The following ARHGAP39 variants were observed in gnomAD, a reference collection of about 807,000 sequenced individuals.
ARHGAP39 encodes Rho GTPase activating protein 39.
A neutral mutation model predicts 106.9 loss-of-function variants in ARHGAP39; 44 were observed. The observed-to-expected ratio is 0.41, with a 90% CI of 0.32 to 0.53. The LOEUF (loss-of-function observed/expected upper bound fraction) is 0.53, where lower values mean the gene tolerates loss of function less well. Among genes scored for constraint, ARHGAP39 ranks in the 20% least tolerant of loss-of-function variants. The probability of loss-of-function intolerance (pLI) is 0.21; values close to 1 mark genes in which losing one functional copy is unlikely to be tolerated. For synonymous variants in ARHGAP39, 768 were observed against 693.2 expected (o/e 1.11, Z -1.69); for missense variants, 1,496 against 1,577.3 (o/e 0.95, Z 0.87).
intron 8 of ARHGAP39, among the ~76,000 whole-genome samples, chr8:144,533,850 G>A (rs2130817753): frequency 6.6e-6 from 1 of 152,154 alleles, no homozygotes; most frequent in African/African-American, 2.4e-5. Context: ...ACAGGTCCAG[G>A]GAACGGGGTC....
At chr8:144,570,239 GA>G (rs1385192540) in intron 3 of ARHGAP39, among the ~76,000 whole-genome samples, 4 of 152,016 alleles carry the variant, frequency 2.6e-5, no homozygotes, top group Admixed American at 1.3e-4. Context: ...AACAAACAAA[GA>G]AACAAACAAA....
intron 1 of ARHGAP39, among the ~76,000 whole-genome samples, chr8:144,622,274 C>T (rs1169506010): frequency 2.0e-5 from 3 of 152,100 alleles, no homozygotes; most frequent in Non-Finnish European, 4.4e-5. Flanking sequence ...AGGTGAGCTG[C>T]CTCTGGGAGG....
chr8:144,594,574 A>C (rs995398278), intron 2 of ARHGAP39, among the ~76,000 whole-genome samples: 4 of 151,714 alleles, frequency 2.6e-5, no homozygotes, highest in African/African-American at 9.7e-5. Context: ...GGCGCCTGTA[A>C]TCCTAGCTAC....
chr8:144,564,608 A>G (rs1398280542), intron 3 of ARHGAP39, among the ~76,000 whole-genome samples: 1 of 152,254 alleles, frequency 6.6e-6, no homozygotes, highest in Non-Finnish European at 1.5e-5. Flanking sequence ...ATGACTGAAC[A>G]TGTTAAGTAG....
intron 1 of ARHGAP39, among the ~76,000 whole-genome samples, chr8:144,682,945 A>C (rs898228361): frequency 6.6e-6 from 1 of 151,860 alleles, no homozygotes; most frequent in Non-Finnish European, 1.5e-5. Context: ...TGAGCACAGG[A>C]GGTCAAGGCT....
At chr8:144,596,327 G>A (rs1180459465) in intron 2 of ARHGAP39, among the ~76,000 whole-genome samples, 2 of 150,502 alleles carry the variant, frequency 1.3e-5, no homozygotes, top group Non-Finnish European at 3.0e-5. Context: ...GGGGACAGCT[G>A]AGGCCTTGCC....
intron 3 of ARHGAP39, among the ~76,000 whole-genome samples, chr8:144,572,616 A>AAC (rs1818625053): frequency 1.3e-5 from 2 of 152,236 alleles, no homozygotes; most frequent in Admixed American, 1.3e-4. Context: ...CAAAAGCCAA[A>AAC]ATAGATAAAT....
At chr8:144,570,831 C>T (rs1011195192) in intron 3 of ARHGAP39, among the ~76,000 whole-genome samples, 1 of 152,122 alleles carries the variant, frequency 6.6e-6, no homozygotes, top group Admixed American at 6.5e-5. Context: ...ATACAAACTA[C>T]CATCAGAGAA....
chr8:144,551,711 T>TC (rs879440491), intron 4 of ARHGAP39, among the ~76,000 whole-genome samples: 231 of 149,664 alleles, frequency 1.5e-3, no homozygotes, highest in African/African-American at 5.5e-3. Context: ...TCTCCTCAGC[T>TC]CCCCCAAATC....
chr8:144,620,972 C>T (rs1820793203), intron 1 of ARHGAP39, among the ~76,000 whole-genome samples: 1 of 152,294 alleles, frequency 6.6e-6, no homozygotes, highest in Non-Finnish European at 1.5e-5. Flanking sequence ...CGTCCCTTGG[C>T]AGCCCCGCTG....
At chr8:144,536,741 G>C (rs1292633005) in intron 7 of ARHGAP39, among the ~76,000 whole-genome samples, 1 of 152,224 alleles carries the variant, frequency 6.6e-6, no homozygotes, top group Non-Finnish European at 1.5e-5. Flanking sequence ...CCCTAGCCCA[G>C]CAGATGCCAT....
chr8:144,659,758 A>G (rs1324388324), intron 1 of ARHGAP39, among the ~76,000 whole-genome samples: 1 of 152,052 alleles, frequency 6.6e-6, no homozygotes, highest in Non-Finnish European at 1.5e-5. Flanking sequence ...TAAGCTAACA[A>G]TTGCTTCTCT....
chr8:144,536,586 C>A (rs1816963864), intron 7 of ARHGAP39, among the ~76,000 whole-genome samples: 1 of 152,214 alleles, frequency 6.6e-6, no homozygotes, highest in Non-Finnish European at 1.5e-5. Context: ...ACGTCTGTGG[C>A]CAGGAATCTC....
chr8:144,688,805 C>T (rs1194006342), upstream of ARHGAP39, among the ~76,000 whole-genome samples: 1 of 152,164 alleles, frequency 6.6e-6, no homozygotes, highest in African/African-American at 2.4e-5. Flanking sequence ...GATGTCGAGT[C>T]TTCCTAAAGT....
intron 1 of ARHGAP39, among the ~76,000 whole-genome samples, chr8:144,628,164 G>C (rs374668589): frequency 4.6e-5 from 7 of 152,350 alleles, no homozygotes; most frequent in African/African-American, 1.7e-4. Context: ...AGCGTCCTCA[G>C]AGAGGGGTGG....
chr8:144,551,248 A>T (rs1319516254), intron 4 of ARHGAP39, among the ~76,000 whole-genome samples: 1 of 151,976 alleles, frequency 6.6e-6, no homozygotes, highest in East Asian at 1.9e-4. Context: ...GGGTGGGGTG[A>T]GTATGAGGAG....
intron 1 of ARHGAP39, among the ~76,000 whole-genome samples, chr8:144,666,976 T>C (rs998777908): frequency 6.6e-5 from 10 of 152,108 alleles, no homozygotes; most frequent in African/African-American, 2.4e-4. Context: ...TAAACTTTGC[T>C]CAAAAAATGG....
At position 144,548,047 on chromosome 8, in the gene ARHGAP39, G is replaced by A. The variant is rs567062685; in HGVS notation, c.1039C>T (p.Arg347Trp). The A allele has an allele frequency of 4.4e-6, 7 of 1,599,816 alleles. No homozygotes were observed. Among genetic ancestry groups the A allele is most frequent in the Non-Finnish European group, 6.0e-6 (7 of 1,174,384 alleles). Residue 347 changes from arginine to tryptophan, a missense_variant, in exon 5 of 12, where the codon CGG becomes TGG. Coordinates refer to ENST00000377307, the MANE Select transcript of ARHGAP39 (RefSeq NM_025251.3). The surrounding 1 kb of genome is among the most constrained non-coding windows in gnomAD (Gnocchi z 7.4). ...GGCCGGGGCTTACGGCCCGGCGACC[G>A]CTGGGGAGAGCCGGCCTGGTAGCCC... ...GGGYQAGSPQRSPGRKPRPFL... is the reference protein window; with the variant it reads ...GGGYQAGSPQWSPGRKPRPFL...
At chr8:144,560,753 T>C (rs1818112260) in intron 3 of ARHGAP39, among the ~76,000 whole-genome samples, 1 of 152,242 alleles carries the variant, frequency 6.6e-6, no homozygotes, top group Non-Finnish European at 1.5e-5. Flanking sequence ...GGTGATGCTA[T>C]GGCTGTGCTA....
Sources: allele counts gnomAD v4.1 joint callset (sites outside exome capture counted in the v4.1 genomes callset), GRCh38; gene constraint gnomAD v4.1.1; non-coding constraint Gnocchi (gnomAD v3.1); transcripts MANE v1.5; gene names NCBI Gene and HGNC (gene_info 2026-07-23, HGNC 2026-07-21).